Variants in RECK observed in about 807,000 individuals in gnomAD.
RECK encodes the protein reversion inducing cysteine rich protein with kazal motifs.
RECK carries 69 observed loss-of-function variants against 115.1 expected under a neutral mutation model. The ratio of observed to expected loss-of-function variants is 0.60; its 90% CI spans 0.49 to 0.73. The LOEUF (loss-of-function observed/expected upper bound fraction) is 0.73. RECK is among the 30% of genes least tolerant of loss of function. The probability of loss-of-function intolerance (pLI) is 0.00; values close to 1 mark genes in which losing one functional copy is unlikely to be tolerated. For missense variants in RECK, 1,047 were observed against 1,203.7 expected, an observed-to-expected ratio of 0.87 and a Z score of 1.93; for synonymous variants, 414 against 419.7, an observed-to-expected ratio of 0.99 and a Z score of 0.17.
chr9:36,115,305 A>T (rs1369736309), intron 16 of RECK, among the ~76,000 whole-genome samples: 1 of 150,762 alleles, frequency 6.6e-6, no homozygotes, highest in Non-Finnish European at 1.5e-5. Flanking sequence ...ACAGAGCAAG[A>T]CTCTGTCTCA....
At chr9:36,083,236 T>G in intron 7 of RECK, 129 bp from the exon 8 acceptor site, 2 of 916,604 alleles carry the variant, frequency 2.2e-6, no homozygotes, top group Non-Finnish European at 3.3e-6. Flanking sequence ...CGATTTTAAG[T>G]GTTCATCGTC....
chr9:36,108,132 A>G lies in RECK; in HGVS notation c.1733A>G (p.Gln578Arg). 1 of 1,601,590 alleles carries G rather than the reference A, an allele frequency of 6.2e-7. No individual in the cohort carries two copies. The highest frequency in any genetic ancestry group is 8.5e-7 in the Non-Finnish European group (1 of 1,176,650). Residue 578 changes from glutamine (Q) to arginine (R), a missense_variant, in exon 14 of 21, where the codon CAG (glutamine) becomes CGG (arginine). Gln to Arg is a conservative substitution (Grantham distance 43). Transcript: ENST00000377966. ...NCMEMHCIDL[Q>R]KSCIVGGKRK... ...ATGGAAATGCACTGTATAGACCTCCAGAAGTCTTGTATTGTTGGAGGAAAA... is the reference window on the plus strand; with the variant it reads ...ATGGAAATGCACTGTATAGACCTCCGGAAGTCTTGTATTGTTGGAGGAAAA...
In RECK at chr9:36,122,789, G is replaced by T. The variant is rs967695422; in HGVS notation, c.2695-35G>T. 3.8e-6 allele frequency: 6 copies of T among 1,572,064 alleles called. No individual in the cohort carries two copies. The African/African-American group carries it at 8.1e-5, about 21-fold the overall frequency. ...GGCTTGATGTTGAAAACGTTCTGTGGTTTTATATTAAGGGAACCTTGTTTC... is the reference window on the plus strand; with the variant it reads ...GGCTTGATGTTGAAAACGTTCTGTGTTTTTATATTAAGGGAACCTTGTTTC... On this transcript the variant is annotated intron_variant, in intron 20 of 20. Transcript: ENST00000377966.
At chr9:36,087,194 A>G (rs1039412667) in intron 8 of RECK, among the ~76,000 whole-genome samples, 1 of 152,208 alleles carries the variant, frequency 6.6e-6, no homozygotes, top group Non-Finnish European at 1.5e-5. Context: ...ATGCACACAT[A>G]TGTTTATTGC....
At chr9:36,110,438 T>C (rs1823996217) in intron 15 of RECK, among the ~76,000 whole-genome samples, 1 of 152,208 alleles carries the variant, frequency 6.6e-6, no homozygotes, top group African/African-American at 2.4e-5. Context: ...TCAGTTTGTT[T>C]CTCAGCACCT....
At position 36,108,080 on chromosome 9, in the gene RECK, G is replaced by A. The variant is rs1823891882; in HGVS notation, c.1681G>A (p.Gly561Arg). 1 of 1,613,766 alleles carries A rather than the reference G, an allele frequency of 6.2e-7. No homozygotes were observed. The change falls in exon 14 of 21, where the codon GGA (glycine) becomes AGA (arginine). Residue 561 changes from glycine (G) to arginine (R), a missense_variant. By Grantham distance (125) the Gly-to-Arg change is moderately radical. Transcript: ENST00000377966. ...EVGCYKICSC[G>R]QSGLLENCME... Reference sequence around the variant, plus strand: ...TGGTTGTTATAAAATCTGTTCATGTGGACAAAGTGGACTCTTAGAAAACTG... The same window carrying A: ...TGGTTGTTATAAAATCTGTTCATGTAGACAAAGTGGACTCTTAGAAAACTG...
chr9:36,120,552 A>G (rs1429390519), intron 18 of RECK, 111 bp from the exon 19 acceptor site: 6 of 801,244 alleles, frequency 7.5e-6, no homozygotes, highest in Non-Finnish European at 1.2e-5. Context: ...GTCTTTGGGA[A>G]GGACACTGTA....
At position 36,108,261 on chromosome 9, in the gene RECK, T is replaced by G. The variant is rs182867826; in HGVS notation, c.1765+97T>G. 22 of 882,462 alleles carry G rather than the reference T, an allele frequency of 2.5e-5. 1 individual carries two copies. In the Middle Eastern group the frequency reaches 1.0e-3, roughly 40 times the overall value. The allele number at this position is 882,462 out of a possible 1,614,324, so 54.7% of individuals were successfully genotyped here. A position where few individuals can be genotyped will look rare whatever the true frequency, so the allele number is the denominator to read the frequency against. On this transcript the variant is annotated intron_variant, in intron 14 of 20. Coordinates refer to ENST00000377966, the MANE Select transcript of RECK (RefSeq NM_021111.3). ...TAGATTCTGACCACAGAGTAAGGTC[T>G]GCATATCAGATACTCCAGGGCAGTA... is the stretch of plus-strand genomic sequence containing the variant.
intron 16 of RECK, 128 bp downstream of exon 16, chr9:36,112,604 T>C: frequency 9.8e-7 from 1 of 1,025,336 alleles, no homozygotes; most frequent in Admixed American, 2.5e-5. Flanking sequence ...GTTTGGAGTC[T>C]GGAGGGAAAG....
At chr9:36,062,343 TGGAGACGA>T (rs1821808821) in intron 4 of RECK, among the ~76,000 whole-genome samples, 1 of 152,116 alleles carries the variant, frequency 6.6e-6, no homozygotes, top group Non-Finnish European at 1.5e-5. Context: ...GTATTTTTAG[TGGAGACGA>T]GGTTTCACTA....
intron 1 of RECK, among the ~76,000 whole-genome samples, chr9:36,044,198 A>T (rs374661241): frequency 1.1e-4 from 17 of 151,176 alleles, no homozygotes; most frequent in African/African-American, 3.9e-4. Flanking sequence ...TTGGTTAGGT[A>T]TATTCCTAAG....
At chr9:36,122,534 G>C (rs749654044) in intron 20 of RECK, among the ~76,000 whole-genome samples, 12 of 152,060 alleles carry the variant, frequency 7.9e-5, no homozygotes, top group Non-Finnish European at 1.6e-4. Context: ...GAACTCCTGG[G>C]CTCAAGCTAC....
At chr9:36,115,125 G>A (rs1334921437) in intron 16 of RECK, among the ~76,000 whole-genome samples, 1 of 152,024 alleles carries the variant, frequency 6.6e-6, no homozygotes, top group Admixed American at 6.6e-5. Flanking sequence ...GACCAGCCTG[G>A]CCAACATGGT....
chr9:36,062,631 C>G (rs1258546460), intron 4 of RECK, among the ~76,000 whole-genome samples: 1 of 151,918 alleles, frequency 6.6e-6, no homozygotes, highest in Non-Finnish European at 1.5e-5. Flanking sequence ...GTGTGTGCCA[C>G]CATGCCCAGC....
chr9:36,120,016 C>T (rs755829735), intron 18 of RECK, among the ~76,000 whole-genome samples: 1 of 152,102 alleles, frequency 6.6e-6, no homozygotes, highest in Non-Finnish European at 1.5e-5. Context: ...AGGCGGATCA[C>T]GAGATCAGGA....
intron 1 of RECK, among the ~76,000 whole-genome samples, chr9:36,050,290 T>C (rs1473043751): frequency 6.6e-6 from 1 of 152,202 alleles, no homozygotes; most frequent in Non-Finnish European, 1.5e-5. Flanking sequence ...TCTTTTCCAT[T>C]TCAGTTAATG....
chr9:36,038,718 C>G (rs985619631), intron 1 of RECK, among the ~76,000 whole-genome samples: 2 of 152,048 alleles, frequency 1.3e-5, no homozygotes, highest in African/African-American at 4.8e-5. Context: ...TCGGGAAATA[C>G]TGCAGATGGT....
At chr9:36,097,226 G>A (rs768584983) in intron 10 of RECK, among the ~76,000 whole-genome samples, 6 of 151,560 alleles carry the variant, frequency 4.0e-5, no homozygotes, top group Admixed American at 2.6e-4. Context: ...TACTTGGGAG[G>A]CTGAGACAGG....
chr9:36,069,998 AG>A (rs1334100657), intron 6 of RECK, among the ~76,000 whole-genome samples: 1 of 152,220 alleles, frequency 6.6e-6, no homozygotes, highest in Non-Finnish European at 1.5e-5. Flanking sequence ...TCCAGCAAAA[AG>A]GTATTTCAAG....
Sources: allele counts gnomAD v4.1 joint callset (sites outside exome capture counted in the v4.1 genomes callset), GRCh38; gene constraint gnomAD v4.1.1; transcripts MANE v1.5; gene names NCBI Gene and HGNC (gene_info 2026-07-23, HGNC 2026-07-21).